CALN1: variants seen among roughly 807,000 people sequenced by gnomAD.
The protein encoded by CALN1 is calneuron 1, also known as calcium-binding protein 8.
Under a neutral mutation model 30.6 loss-of-function variants are expected in CALN1, and 17 were observed. The observed-to-expected ratio is 0.56, with a 90% confidence interval of 0.38 to 0.83. CALN1 has a LOEUF of 0.83. Among genes scored for constraint, CALN1 ranks in the 40% least tolerant of loss-of-function variants. The probability of loss-of-function intolerance (pLI) is 0.00; values close to 1 mark genes in which losing one functional copy is unlikely to be tolerated. For synonymous variants in CALN1, 156 were observed against 131.4 expected, an observed-to-expected ratio of 1.19 and a Z score of -1.28; for missense variants, 291 against 354.9, an observed-to-expected ratio of 0.82 and a Z score of 1.45.
chr7:72,350,960 G>T (rs1802890281), intron 2 of CALN1, among the ~76,000 whole-genome samples: 1 of 151,984 alleles, frequency 6.6e-6, no homozygotes, highest in Non-Finnish European at 1.5e-5. Context: ...GACCAACATG[G>T]TGAAACCCCA....
At chr7:71,994,511 C>CAAAAAAAAAAAAAAAAA (rs367725464) in intron 5 of CALN1, among the ~76,000 whole-genome samples, 7 of 44,016 alleles carry the variant, frequency 1.6e-4, no homozygotes, top group African/African-American at 6.0e-4. Context: ...GACTTCATCT[C>CAAAAAAAAAAAAAAAAA]AAAAAAAAAA....
At chr7:72,207,121 T>G (rs1039663452) in intron 3 of CALN1, among the ~76,000 whole-genome samples, 1 of 152,178 alleles carries the variant, frequency 6.6e-6, no homozygotes, top group African/African-American at 2.4e-5. Flanking sequence ...GTTGGTAAAA[T>G]CTGCATTTCA....
rs370257959 is a variant in CALN1, at chr7:72,434,323, T to A, written c.-226+12719A>T. ...TTTGAGACCAGCCTGGCCAACATGC[T>A]AAAACCCCGTCTCTACTAAAATACC... On this transcript the variant is annotated intron_variant, in intron 1 of 6. Coordinates refer to the CALN1 transcript ENST00000395276. Among the ~76,000 whole-genome samples, 24 of 126,596 alleles carry A rather than the reference T, an allele frequency of 1.9e-4. No individual in the cohort carries two copies. The East Asian group carries it at 3.4e-3, about 18-fold the overall frequency. 83.1% of individuals were successfully genotyped at this position (126,596 alleles called of 152,430 possible). A position where few individuals can be genotyped will look rare whatever the true frequency, so the allele number is the denominator to read the frequency against.
At chr7:72,110,309 T>C (rs1386507701) in intron 3 of CALN1, among the ~76,000 whole-genome samples, 1 of 152,108 alleles carries the variant, frequency 6.6e-6, no homozygotes, top group Non-Finnish European at 1.5e-5. Flanking sequence ...GACCTCCGAG[T>C]TGCCCCACCT....
chr7:72,343,546 C>CAA (rs34463871), intron 2 of CALN1, among the ~76,000 whole-genome samples: 2,714 of 144,686 alleles, frequency 0.019, 37 homozygotes, highest in Non-Finnish European at 0.024. Flanking sequence ...GATTCTGTCT[C>CAA]AAAAAAAAAA....
At chr7:71,995,118 C>A (rs994138203) in intron 5 of CALN1, among the ~76,000 whole-genome samples, 1 of 152,160 alleles carries the variant, frequency 6.6e-6, no homozygotes, top group South Asian at 2.1e-4. Context: ...TCCCAAAGTG[C>A]TGGGATTACA....
At chr7:72,431,460 G>A (rs1396374331) in intron 1 of CALN1, among the ~76,000 whole-genome samples, 1 of 152,248 alleles carries the variant, frequency 6.6e-6, no homozygotes, top group Non-Finnish European at 1.5e-5. Flanking sequence ...TAACACTGCA[G>A]CAGCCTCTAT....
At chr7:72,008,935 C>T (rs1201134397) in intron 5 of CALN1, among the ~76,000 whole-genome samples, 2 of 152,104 alleles carry the variant, frequency 1.3e-5, no homozygotes, top group Non-Finnish European at 2.9e-5. Context: ...GGATTACAGG[C>T]GTGAGCCACT....
chr7:72,005,694 C>T (rs902744695), intron 5 of CALN1, among the ~76,000 whole-genome samples: 6 of 151,994 alleles, frequency 3.9e-5, no homozygotes, highest in South Asian at 4.1e-4. Flanking sequence ...GGAAGAAAAA[C>T]GCCCACTCCA....
intron 2 of CALN1, among the ~76,000 whole-genome samples, chr7:72,293,097 T>C (rs375385857): frequency 6.6e-6 from 1 of 152,150 alleles, no homozygotes; most frequent in African/African-American, 2.4e-5. Context: ...ATTTTATTCG[T>C]CAGAGCTTAG....
At chr7:72,175,068 A>C (rs1383927525) in intron 3 of CALN1, among the ~76,000 whole-genome samples, 1 of 151,868 alleles carries the variant, frequency 6.6e-6, no homozygotes, top group East Asian at 1.9e-4. Context: ...ACTATACCTC[A>C]ATATAATCAA....
At chr7:72,329,533 C>T (rs760779559) in intron 2 of CALN1, among the ~76,000 whole-genome samples, 10 of 152,208 alleles carry the variant, frequency 6.6e-5, no homozygotes, top group Non-Finnish European at 1.3e-4. Flanking sequence ...CTCTAATGAA[C>T]CCAGTTCATT....
Position 72,106,338 on chromosome 7 carries a change from C to G in CALN1, c.245-44G>C, listed in dbSNP as rs756717816. On this transcript the variant is annotated intron_variant, in intron 3 of 6. Coordinates refer to ENST00000395275, the MANE Select transcript of CALN1 (RefSeq NM_031468.4). The stretch of plus-strand genomic sequence containing the variant: ...GAAAGTCCAGTGGTCACATGGCTGG[C>G]TTTATTGCACTGCAGTTATTGGTGA... The G allele has an allele frequency of 2.7e-5, 43 of 1,610,514 alleles. 1 individual carries two copies. In the Middle Eastern group the frequency reaches 1.3e-3, roughly 49 times the overall value.
intron 2 of CALN1, among the ~76,000 whole-genome samples, chr7:72,370,712 G>A (rs73364914): frequency 6.6e-6 from 1 of 150,510 alleles, no homozygotes; most frequent in South Asian, 2.1e-4. Context: ...TTTTTTCTGA[G>A]TTCATGGCTT....
intron 2 of CALN1, among the ~76,000 whole-genome samples, chr7:72,347,227 ATTTT>A (rs1034192929): frequency 6.6e-6 from 1 of 150,414 alleles, no homozygotes; most frequent in African/African-American, 2.4e-5. Flanking sequence ...CCCAAAGACA[ATTTT>A]TTTTCTTTTT....
chr7:71,951,615 C>G (rs1235138296), intron 5 of CALN1, among the ~76,000 whole-genome samples: 1 of 150,340 alleles, frequency 6.7e-6, no homozygotes, highest in African/African-American at 2.4e-5. Flanking sequence ...AAAAACAAAA[C>G]AACAACAACA....
chr7:72,208,340 T>C (rs1349240749), intron 3 of CALN1, among the ~76,000 whole-genome samples: 4 of 152,186 alleles, frequency 2.6e-5, no homozygotes, highest in Admixed American at 2.0e-4. Flanking sequence ...ACACTGGTGG[T>C]TTCTAATAAG....
At chr7:72,451,805 A>C (rs1004146892), upstream of CALN1, among the ~76,000 whole-genome samples, 3 of 151,788 alleles carry the variant, frequency 2.0e-5, no homozygotes, top group African/African-American at 7.3e-5. Flanking sequence ...ACCTATCAAG[A>C]AGAAACAATA....
chr7:72,134,576 T>C (rs1350513676), intron 3 of CALN1, among the ~76,000 whole-genome samples: 1 of 152,238 alleles, frequency 6.6e-6, no homozygotes, highest in Non-Finnish European at 1.5e-5. Flanking sequence ...TCTTTAAAAA[T>C]GTACTTTTAT....
Sources: allele counts gnomAD v4.1 joint callset (sites outside exome capture counted in the v4.1 genomes callset), GRCh38; gene constraint gnomAD v4.1.1; transcripts MANE v1.5; gene names NCBI Gene and HGNC (gene_info 2026-07-23, HGNC 2026-07-21).